LRRC4C: variants seen among roughly 807,000 people sequenced by gnomAD.
LRRC4C encodes the protein leucine-rich repeat-containing protein 4C.
LRRC4C carries 5 observed loss-of-function variants against 33.6 expected under a neutral mutation model. That is an observed-to-expected ratio of 0.15 (90% CI 0.08 to 0.31). LRRC4C has a LOEUF of 0.31. LRRC4C is among the 10% of genes least tolerant of loss of function. The pLI, the probability that LRRC4C is intolerant of heterozygous loss-of-function variation, is 1.00. For missense variants in LRRC4C, 560 were observed against 796.7 expected (o/e 0.70, Z 3.58); for synonymous variants, 329 against 302.0 (o/e 1.09, Z -0.93).
In LRRC4C at chr11:40,882,070, C is replaced by T. The variant is rs369529301; in HGVS notation, c.-407+51565G>A. 3.1e-4 allele frequency among the ~76,000 whole-genome samples: 47 copies of T among 152,058 alleles called. No homozygotes were observed. The East Asian group carries it at 7.5e-3, about 24-fold the overall frequency. Reference sequence around the variant, plus strand: ...TCTCTATCACAACCACTCAGCTGTGCCATCGAGGCATGAAAGCAGCCATCG... The same window carrying T: ...TCTCTATCACAACCACTCAGCTGTGTCATCGAGGCATGAAAGCAGCCATCG... On this transcript the variant is annotated intron_variant, in intron 2 of 6. Transcript: ENST00000528697.
chr11:41,442,226 G>A (rs1955642299), intron 1 of LRRC4C, among the ~76,000 whole-genome samples: 1 of 151,764 alleles, frequency 6.6e-6, no homozygotes, highest in Admixed American at 6.6e-5. Context: ...TCTAGAACAG[G>A]ATCCAAGTAA....
intron 1 of LRRC4C, among the ~76,000 whole-genome samples, chr11:41,249,544 C>T (rs1301284668): frequency 6.6e-6 from 1 of 152,004 alleles, no homozygotes; most frequent in Non-Finnish European, 1.5e-5. Context: ...AGCATCCTAC[C>T]TTTTTGACTG....
intron 3 of LRRC4C, among the ~76,000 whole-genome samples, chr11:40,539,492 AT>A (rs1040557468): frequency 2.0e-5 from 3 of 151,442 alleles, no homozygotes; most frequent in Non-Finnish European, 3.0e-5. Flanking sequence ...AAGCTCTATC[AT>A]TTTTTTTCAG....
chr11:41,080,258 T>A (rs1414031865), intron 1 of LRRC4C, among the ~76,000 whole-genome samples: 1 of 151,838 alleles, frequency 6.6e-6, no homozygotes, highest in Non-Finnish European at 1.5e-5. Context: ...ACAGAGGAAG[T>A]GATAGTGTTT....
At chr11:40,125,306 C>T (rs1856133238) in intron 6 of LRRC4C, among the ~76,000 whole-genome samples, 1 of 152,130 alleles carries the variant, frequency 6.6e-6, no homozygotes, top group Non-Finnish European at 1.5e-5. Flanking sequence ...CCTAGAGCTG[C>T]TGCAGCCATC....
intron 2 of LRRC4C, among the ~76,000 whole-genome samples, chr11:40,868,998 T>C (rs1189126190): frequency 1.3e-5 from 2 of 152,136 alleles, no homozygotes; most frequent in Non-Finnish European, 2.9e-5. Flanking sequence ...AACATTAGGA[T>C]GACCCTTAAT....
rs577306538 is a variant in LRRC4C at position 40,459,566 on chromosome 11, C to A, written c.-269-139845G>T. On this transcript the variant is annotated intron_variant, in intron 3 of 6. Coordinates refer to ENST00000528697, the MANE Select transcript of LRRC4C (RefSeq NM_001258419.2). ...AATTTTCACACCTTCAAATTCAGAT[C>A]CAGTTTTAAGACATTTAATGATTAC... is the stretch of plus-strand genomic sequence containing the variant. 4.6e-5 allele frequency among the ~76,000 whole-genome samples: 7 copies of A among 152,236 alleles called. No individual in the cohort carries two copies. In the South Asian group the frequency reaches 8.3e-4, roughly 18 times the overall value.
intron 4 of LRRC4C, among the ~76,000 whole-genome samples, chr11:40,316,630 A>G (rs2136807645): frequency 6.6e-6 from 1 of 152,126 alleles, no homozygotes; most frequent in East Asian, 1.9e-4. Context: ...CTAGGCGTTT[A>G]ATAAACTTTC....
At chr11:41,204,400 A>G (rs112192304) in intron 1 of LRRC4C, among the ~76,000 whole-genome samples, 2,702 of 152,278 alleles carry the variant, frequency 0.018, 75 homozygotes, top group African/African-American at 0.06. Flanking sequence ...GGCAGAAGCA[A>G]CTTTCTGCTA....
chr11:41,243,217 C>T (rs1948321093), intron 1 of LRRC4C, among the ~76,000 whole-genome samples: 1 of 152,162 alleles, frequency 6.6e-6, no homozygotes, highest in Admixed American at 6.5e-5. Context: ...TAGAAAACCA[C>T]TCATCATAAA....
intron 2 of LRRC4C, among the ~76,000 whole-genome samples, chr11:40,737,544 C>T (rs79395656): frequency 1.1e-4 from 16 of 151,016 alleles, no homozygotes; most frequent in South Asian, 4.2e-4. Context: ...GATCTACGTG[C>T]GAAAATCACA....
At chr11:41,068,398 CA>C (rs1182169722) in intron 1 of LRRC4C, among the ~76,000 whole-genome samples, 8 of 150,916 alleles carry the variant, frequency 5.3e-5, no homozygotes, top group Admixed American at 1.3e-4. Context: ...CCCCTCCCCC[CA>C]ACAAAAAAAA....
chr11:40,658,666 T>C (rs1010785416), intron 2 of LRRC4C, among the ~76,000 whole-genome samples: 8 of 152,158 alleles, frequency 5.3e-5, no homozygotes, highest in Non-Finnish European at 8.8e-5. Flanking sequence ...GATGATTTGG[T>C]TCCTCTCTGG....
rs554797514 is a variant in LRRC4C, at chr11:41,066,426, C to T, written c.-495-132703G>A. ...GAAATATGGGATTATGTAAAAAGACCGAACCTGTGATTAATTGGAGTACCT... is the reference window on the plus strand; with the variant it reads ...GAAATATGGGATTATGTAAAAAGACTGAACCTGTGATTAATTGGAGTACCT... On this transcript the variant is annotated intron_variant, in intron 1 of 6. Transcript: ENST00000528697. Among the ~76,000 whole-genome samples the T allele has an allele frequency of 2.4e-3, 358 of 152,088 alleles. 2 individuals carry two copies. Among genetic ancestry groups the T allele is most frequent in the African/African-American group, 8.3e-3 (346 of 41,468 alleles).
At chr11:40,732,584 T>C (rs982909819) in intron 2 of LRRC4C, among the ~76,000 whole-genome samples, 6 of 152,168 alleles carry the variant, frequency 3.9e-5, no homozygotes, top group Non-Finnish European at 5.9e-5. Context: ...AGATCACACA[T>C]AAGGAAGGAA....
At chr11:41,185,127 G>A (rs562160240) in intron 1 of LRRC4C, among the ~76,000 whole-genome samples, 4 of 151,882 alleles carry the variant, frequency 2.6e-5, no homozygotes, top group Admixed American at 2.6e-4. Context: ...GATTTCGGTG[G>A]GGACACAGCC....
intron 2 of LRRC4C, among the ~76,000 whole-genome samples, chr11:40,732,309 C>T (rs2136798055): frequency 6.6e-6 from 1 of 152,216 alleles, no homozygotes; most frequent in East Asian, 1.9e-4. Flanking sequence ...TGGATGAAAG[C>T]TCTCCCAAAA....
chr11:40,830,165 T>A (rs1397819490), intron 2 of LRRC4C, among the ~76,000 whole-genome samples: 4 of 152,110 alleles, frequency 2.6e-5, no homozygotes, highest in Non-Finnish European at 5.9e-5. Context: ...GCAGAAATGT[T>A]AACTACTGAA....
intron 3 of LRRC4C, among the ~76,000 whole-genome samples, chr11:40,353,450 GCTCATGCCTGTAATTC>G (rs1208335721): frequency 6.6e-6 from 1 of 152,066 alleles, no homozygotes; most frequent in Non-Finnish European, 1.5e-5. Context: ...AGGTGCAGTG[GCTCATGCCTGTAATTC>G]TAGCACTTTG....
Sources: allele counts gnomAD v4.1 joint callset (sites outside exome capture counted in the v4.1 genomes callset), GRCh38; gene constraint gnomAD v4.1.1; transcripts MANE v1.5; gene names NCBI Gene and HGNC (gene_info 2026-07-23, HGNC 2026-07-21).